The following STOX2 variants were observed in gnomAD, a reference collection of about 807,000 sequenced individuals.
STOX2 encodes the protein storkhead box 2.
A neutral mutation model predicts 60.9 loss-of-function variants in STOX2; 28 were observed. The observed-to-expected ratio is 0.46, with a 90% CI of 0.34 to 0.63. The LOEUF (loss-of-function observed/expected upper bound fraction) is 0.63. Among genes scored for constraint, STOX2 ranks in the 30% least tolerant of loss-of-function variants. The probability of loss-of-function intolerance (pLI) is 0.01; values close to 1 mark genes in which losing one functional copy is unlikely to be tolerated. For missense variants in STOX2, 1,024 were observed against 1,187.7 expected (o/e 0.86, Z 2.03); for synonymous variants, 472 against 463.9 (o/e 1.02, Z -0.22).
At chr4:183,824,922 G>A (rs1313009037) in intron 1 of STOX2, among the ~76,000 whole-genome samples, 1 of 152,216 alleles carries the variant, frequency 6.6e-6, no homozygotes, top group Admixed American at 6.5e-5. Flanking sequence ...GACCGATAGA[G>A]TTCAATTGTG....
chr4:183,970,782 G>A (rs1263146989), intron 1 of STOX2, among the ~76,000 whole-genome samples: 2 of 152,198 alleles, frequency 1.3e-5, no homozygotes, highest in Non-Finnish European at 2.9e-5. Context: ...ACCTTTTCTT[G>A]CAAATCTGCT....
chr4:183,892,217 G>A (rs1348067534), intron 1 of STOX2, among the ~76,000 whole-genome samples: 1 of 152,210 alleles, frequency 6.6e-6, no homozygotes, highest in Admixed American at 6.5e-5. Flanking sequence ...TGCTGCGCCT[G>A]TGAGCCACCT....
At chr4:183,924,383 T>C (rs1560885281) in intron 1 of STOX2, among the ~76,000 whole-genome samples, 1 of 151,868 alleles carries the variant, frequency 6.6e-6, no homozygotes, top group Non-Finnish European at 1.5e-5. Flanking sequence ...GGGAAAGGAC[T>C]TCTGAGGAGG....
At chr4:183,896,744 G>A (rs1447510283) in intron 1 of STOX2, among the ~76,000 whole-genome samples, 1 of 152,200 alleles carries the variant, frequency 6.6e-6, no homozygotes, top group Non-Finnish European at 1.5e-5. Flanking sequence ...GAGTTTGGGA[G>A]TAACCTTGAA....
upstream of STOX2, among the ~76,000 whole-genome samples, chr4:183,904,618 A>G (rs1352626432): frequency 1.3e-5 from 2 of 152,356 alleles, no homozygotes; most frequent in Non-Finnish European, 2.9e-5. Flanking sequence ...TCCATAGGCT[A>G]CTTAGTGATT....
intron 3 of STOX2, among the ~76,000 whole-genome samples, chr4:184,016,545 G>A (rs563287511): frequency 3.7e-4 from 56 of 152,186 alleles, no homozygotes; most frequent in African/African-American, 1.3e-3. Context: ...GGAATAAAAC[G>A]TTTAAAGTGA....
intron 1 of STOX2, among the ~76,000 whole-genome samples, chr4:183,981,854 C>T (rs1027835612): frequency 6.6e-5 from 10 of 152,152 alleles, no homozygotes; most frequent in Non-Finnish European, 1.0e-4. Context: ...GGGAATCACT[C>T]GAACCCAGGA....
rs1404590469 is a variant in STOX2, at chr4:183,962,278, A to T, written c.167-39047A>T. ...TAAAATGTAGAAATCACATTTCTTA[A>T]TCGTCATAGGAAGACAACTTTATTT... is the stretch of plus-strand genomic sequence containing the variant. On this transcript the variant is annotated intron_variant, in intron 1 of 3. Coordinates refer to ENST00000308497, the MANE Select transcript of STOX2 (RefSeq NM_020225.3). Among the ~76,000 whole-genome samples, 7 of 152,270 alleles carry T rather than the reference A, an allele frequency of 4.6e-5. No homozygotes were observed. In the East Asian group the frequency reaches 1.4e-3, roughly 29 times the overall value.
At chr4:183,911,925 A>G (rs1741792908) in intron 1 of STOX2, among the ~76,000 whole-genome samples, 1 of 152,220 alleles carries the variant, frequency 6.6e-6, no homozygotes, top group African/African-American at 2.4e-5. Flanking sequence ...GAGTATAGAT[A>G]TAGTCTACTC....
chr4:183,899,577 G>C (rs1741419786), intron 1 of STOX2, among the ~76,000 whole-genome samples: 1 of 152,196 alleles, frequency 6.6e-6, no homozygotes, highest in Non-Finnish European at 1.5e-5. Context: ...ATTAGCCAAA[G>C]CCTAATCCAG....
chr4:183,827,278 G>C (rs542539872), intron 1 of STOX2, among the ~76,000 whole-genome samples: 1 of 152,114 alleles, frequency 6.6e-6, no homozygotes, highest in African/African-American at 2.4e-5. Context: ...AGGGAGCATC[G>C]CTTGAGGCCA....
At chr4:183,986,079 A>T (rs1223433267) in intron 1 of STOX2, among the ~76,000 whole-genome samples, 1 of 152,124 alleles carries the variant, frequency 6.6e-6, no homozygotes, top group African/African-American at 2.4e-5. Context: ...GAGGAGAGAA[A>T]ATCATACCCT....
intron 1 of STOX2, among the ~76,000 whole-genome samples, chr4:183,968,690 A>T (rs1290809288): frequency 6.6e-6 from 1 of 150,736 alleles, no homozygotes; most frequent in African/African-American, 2.4e-5. Context: ...AAGCCAAGTT[A>T]TCAAAAGGAT....
intron 1 of STOX2, among the ~76,000 whole-genome samples, chr4:183,809,151 G>A (rs1292996194): frequency 2.0e-5 from 3 of 152,118 alleles, no homozygotes; most frequent in Non-Finnish European, 4.4e-5. Context: ...GTGTGATCAC[G>A]GCTCACTGCA....
intron 1 of STOX2, among the ~76,000 whole-genome samples, chr4:183,889,099 G>A (rs766504314): frequency 8.6e-5 from 13 of 151,748 alleles, no homozygotes; most frequent in African/African-American, 1.5e-4. Flanking sequence ...TTAAAGGATC[G>A]TCCTCAACGA....
intron 1 of STOX2, among the ~76,000 whole-genome samples, chr4:183,842,018 T>A (rs1285557477): frequency 6.6e-6 from 1 of 152,238 alleles, no homozygotes; most frequent in Non-Finnish European, 1.5e-5. Context: ...ATAATCCCTG[T>A]AAGAAAAGTT....
chr4:183,826,648 C>G (rs1221739721), intron 1 of STOX2, among the ~76,000 whole-genome samples: 2 of 152,254 alleles, frequency 1.3e-5, no homozygotes, highest in African/African-American at 2.4e-5. Context: ...GCAGGTCACA[C>G]CATCGCCCTC....
intron 1 of STOX2, among the ~76,000 whole-genome samples, chr4:183,878,498 T>A (rs1203265935): frequency 6.6e-6 from 1 of 152,208 alleles, no homozygotes. Flanking sequence ...ATCCAGCAAG[T>A]TGGGTCCTGA....
chr4:183,829,709 C>T (rs1204230312), intron 1 of STOX2, among the ~76,000 whole-genome samples: 1 of 152,192 alleles, frequency 6.6e-6, no homozygotes, highest in African/African-American at 2.4e-5. Flanking sequence ...AATACGTTCC[C>T]TGTAATTTTA....
Sources: allele counts gnomAD v4.1 joint callset (sites outside exome capture counted in the v4.1 genomes callset), GRCh38; gene constraint gnomAD v4.1.1; transcripts MANE v1.5; gene names NCBI Gene and HGNC (gene_info 2026-07-23, HGNC 2026-07-21).